The following SOAT2 variants were observed in gnomAD, a reference collection of about 807,000 sequenced individuals.
SOAT2 encodes ACAT-2.
SOAT2 carries 87 observed loss-of-function variants against 76.0 expected under a neutral mutation model. That is an observed-to-expected ratio of 1.14 (90% CI 0.96 to 1.37). The LOEUF is 1.37. SOAT2 is among the 40% of genes most tolerant of loss of function. The pLI is 0.00. For missense variants in SOAT2, 686 were observed against 682.1 expected (o/e 1.01, Z -0.06); for synonymous variants, 285 against 275.4 (o/e 1.03, Z -0.34).
intron 5 of SOAT2, among the ~76,000 whole-genome samples, chr12:53,108,291 T>C (rs941059573): frequency 1.3e-5 from 2 of 152,200 alleles, no homozygotes; most frequent in Non-Finnish European, 2.9e-5. Context: ...ACACAAAATA[T>C]GATGCCAGTT....
chr12:53,106,393 G>C (rs1937937031), intron 5 of SOAT2, among the ~76,000 whole-genome samples: 1 of 152,226 alleles, frequency 6.6e-6, no homozygotes, highest in African/African-American at 2.4e-5. Flanking sequence ...GAGAAATGAG[G>C]GGGGCAGACC....
intron 5 of SOAT2, among the ~76,000 whole-genome samples, chr12:53,110,547 T>C (rs1296439079): frequency 1.3e-5 from 2 of 152,240 alleles, no homozygotes; most frequent in African/African-American, 4.8e-5. Context: ...CATGTTTCTC[T>C]TTAAACAACC....
At chr12:53,120,294 C>A (rs529337085) in intron 10 of SOAT2, among the ~76,000 whole-genome samples, 25 of 152,038 alleles carry the variant, frequency 1.6e-4, no homozygotes, top group Admixed American at 6.6e-5. Flanking sequence ...ACGGTGAAAC[C>A]CCATCTCTAC....
At position 53,106,090 on chromosome 12, in the gene SOAT2, T is replaced by C. The variant is rs778371862; in HGVS notation, c.443+76T>C. The C allele has an allele frequency of 1.6e-5, 16 of 1,004,440 alleles. 1 individual carries two copies. The highest frequency in any genetic ancestry group is 2.5e-5 in the Non-Finnish European group (16 of 648,262). The allele number at this position is 1,004,440 out of a possible 1,614,324, so 62.2% of individuals were successfully genotyped here. A position where few individuals can be genotyped will look rare whatever the true frequency, so the allele number is the denominator to read the frequency against. Reference sequence around the variant, plus strand: ...TGGGTCCTCAGTGCCCCACCTGCCCTTGGGGCAAGAGGACACAGGTTCCCC... The same window carrying C: ...TGGGTCCTCAGTGCCCCACCTGCCCCTGGGGCAAGAGGACACAGGTTCCCC... On this transcript the variant is annotated intron_variant, in intron 5 of 14. Coordinates refer to ENST00000301466, the MANE Select transcript of SOAT2 (RefSeq NM_003578.4).
intron 10 of SOAT2, among the ~76,000 whole-genome samples, chr12:53,119,644 T>C (rs528597339): frequency 3.4e-4 from 28 of 81,226 alleles, no homozygotes; most frequent in African/African-American, 2.8e-3. Flanking sequence ...CCCCAGCCTA[T>C]CTGGGGGAAG....
chr12:53,110,592 A>G (rs1043353185), intron 5 of SOAT2, among the ~76,000 whole-genome samples: 1 of 152,182 alleles, frequency 6.6e-6, no homozygotes, highest in African/African-American at 2.4e-5. Context: ...TTTACCATAC[A>G]AGATCCTTTC....
rs540480787 is a variant in SOAT2 at position 53,107,082 on chromosome 12, G to A, written c.443+1068G>A. Among the ~76,000 whole-genome samples, 3 of 152,324 alleles carry A rather than the reference G, an allele frequency of 2.0e-5. No individual in the cohort carries two copies. The South Asian group carries it at 6.2e-4, about 32-fold the overall frequency. ...TTAACTTAACCACTCAGTCAGTACT[G>A]AAACAGTTGTTATGGAGGTCTGCAT... is the stretch of plus-strand genomic sequence containing the variant. On this transcript the variant is annotated intron_variant, in intron 5 of 14. Transcript: ENST00000301466.
intron 13 of SOAT2, 93 bp downstream of exon 13, chr12:53,123,309 GC>G: frequency 6.7e-7 from 1 of 1,497,068 alleles, no homozygotes; most frequent in Non-Finnish European, 9.2e-7. Flanking sequence ...GGGAGGCCTC[GC>G]CCCCAGGCCT....
intron 12 of SOAT2, among the ~76,000 whole-genome samples, chr12:53,121,849 C>T (rs946334213): frequency 7.5e-6 from 1 of 132,678 alleles, no homozygotes; most frequent in East Asian, 2.2e-4. Flanking sequence ...CCTTGTTGCC[C>T]AGGCTGGAGT....
chr12:53,105,122 T>C lies in SOAT2; in HGVS notation c.154T>C (p.Leu52=), dbSNP rs767133616. 6.4e-7 allele frequency: 1 copy of C among 1,561,108 alleles called. No homozygotes were observed. The highest frequency in any genetic ancestry group is 8.7e-7 in the Non-Finnish European group (1 of 1,152,336). The change falls in exon 3 of 15, where the codon TTG becomes CTG. Residue 52 remains leucine, a synonymous_variant. Transcript: ENST00000301466. ...TGTCCCGTAGGCTGTGAAGGCACAA[T>C]TGCTGGAGCAAGCGCAGGGACAACT... ...TRHMEAVKAQ[L]LEQAQGQLRE...
At position 53,104,542 on chromosome 12, in the gene SOAT2, G is replaced by A. The variant is rs547065531; in HGVS notation, c.138+336G>A. On this transcript the variant is annotated intron_variant, in intron 2 of 14. Transcript: ENST00000301466. ...ACCCGCCTCGGCCTCCCAAAGTGCT[G>A]GGATTACAGGTGTGAGCCACGGTGC... Among the ~76,000 whole-genome samples the A allele has an allele frequency of 2.0e-5, 3 of 152,184 alleles. No individual in the cohort carries two copies. The South Asian group carries it at 6.2e-4, about 32-fold the overall frequency.
At chr12:53,120,326 G>A (rs1057510917) in intron 10 of SOAT2, among the ~76,000 whole-genome samples, 3 of 152,054 alleles carry the variant, frequency 2.0e-5, no homozygotes, top group Non-Finnish European at 2.9e-5. Flanking sequence ...AAAATTAGCC[G>A]GGCGTGGTGG....
Position 53,124,289 on chromosome 12 carries a change from TG to T in SOAT2, c.*169del. On this transcript the variant is annotated 3_prime_UTR_variant, in exon 15 of 15. Coordinates refer to ENST00000301466, the MANE Select transcript of SOAT2 (RefSeq NM_003578.4). Reference sequence around the variant, plus strand: ...GCAAGGACTGAGATCTGCAGACTTGTGGGTAACTGATCACAGACCTCAGCAT... The same window carrying T: ...GCAAGGACTGAGATCTGCAGACTTGTGGTAACTGATCACAGACCTCAGCAT... The T allele has an allele frequency of 1.5e-6, 1 of 671,250 alleles. No homozygotes were observed. 41.6% of individuals were successfully genotyped at this position (671,250 alleles called of 1,614,324 possible).
rs758073087 is a variant in SOAT2, at chr12:53,103,602, C to G, written c.25C>G (p.Arg9Gly). The change falls in exon 1 of 15, where the codon CGT becomes GGT. Residue 9 changes from arginine (R) to glycine (G), a missense_variant. Coordinates refer to ENST00000301466, the MANE Select transcript of SOAT2 (RefSeq NM_003578.4). The part of the protein sequence containing the change: MEPGGARL[R>G]LQRTEGLGGE... ...CATGGAGCCAGGCGGGGCCCGTCTG[C>G]GTCTGCAGAGGACAGAAGGGCTGGG... 6.5e-7 allele frequency: 1 copy of G among 1,546,720 alleles called. No individual in the cohort carries two copies. The highest frequency in any genetic ancestry group is 8.7e-7 in the Non-Finnish European group (1 of 1,146,680).
chr12:53,121,219 G>T, intron 11 of SOAT2, 84 bp from the exon 12 acceptor site: 1 of 953,004 alleles, frequency 1.0e-6, no homozygotes. Flanking sequence ...GGGATAGGGT[G>T]CAGGCAGAGG....
rs1565629808 is a variant in SOAT2 at position 53,123,599 on chromosome 12, A to C, written c.1373-129A>C. 3.9e-5 allele frequency: 43 copies of C among 1,093,428 alleles called. No homozygotes were observed. The East Asian group carries it at 9.9e-4, about 25-fold the overall frequency. The allele number at this position is 1,093,428 out of a possible 1,614,324, so 67.7% of individuals were successfully genotyped here. A position where few individuals can be genotyped will look rare whatever the true frequency, so the allele number is the denominator to read the frequency against. On this transcript the variant is annotated intron_variant, in intron 13 of 14. Transcript: ENST00000301466. Reference sequence around the variant, plus strand: ...ACTTTAGACCTCTACGAATTTCTGCACCTGAGTTCAAGATCTTCTCCAATG... The same window carrying C: ...ACTTTAGACCTCTACGAATTTCTGCCCCTGAGTTCAAGATCTTCTCCAATG...
At chr12:53,122,806 A>T (rs1938212460) in intron 12 of SOAT2, among the ~76,000 whole-genome samples, 1 of 151,790 alleles carries the variant, frequency 6.6e-6, no homozygotes, top group African/African-American at 2.4e-5. Context: ...ATTCCACAAA[A>T]CTGCCATTGT....
intron 5 of SOAT2, among the ~76,000 whole-genome samples, chr12:53,112,958 G>C (rs1002528666): frequency 6.8e-6 from 1 of 146,670 alleles, no homozygotes; most frequent in Admixed American, 6.9e-5. Context: ...TTTTTTAGTA[G>C]AGATGGGGTT....
rs758322358 is a variant in SOAT2 at position 53,124,165 on chromosome 12, T to C, written c.*42T>C. The C allele has an allele frequency of 6.2e-7, 1 of 1,610,824 alleles. No individual in the cohort carries two copies. Among genetic ancestry groups the C allele is most frequent in the African/African-American group, 1.3e-5 (1 of 74,968 alleles). ...CGCTACCTGCCCAGACACCACCAAG[T>C]TCTCTGCCTGCAAAACCTGGGACCA... On this transcript the variant is annotated 3_prime_UTR_variant, in exon 15 of 15. Transcript: ENST00000301466.
Sources: allele counts gnomAD v4.1 joint callset (sites outside exome capture counted in the v4.1 genomes callset), GRCh38; gene constraint gnomAD v4.1.1; transcripts MANE v1.5; gene names NCBI Gene and HGNC (gene_info 2026-07-23, HGNC 2026-07-21).